Variants in NLRP3 observed in about 807,000 individuals in gnomAD.
NLRP3 encodes the protein NACHT, LRR and PYD domains-containing protein 3.
A neutral mutation model predicts 91.3 loss-of-function variants in NLRP3; 48 were observed. The ratio of observed to expected loss-of-function variants is 0.53; its 90% confidence interval spans 0.42 to 0.67. The LOEUF is 0.67. Ranked by LOEUF, NLRP3 falls within the 30% of genes least tolerant of loss-of-function variation. NLRP3 has a pLI of 0.00. For synonymous variants in NLRP3, 561 were observed against 507.9 expected, an observed-to-expected ratio of 1.10 and a Z score of -1.41; for missense variants, 982 against 1,276.9, an observed-to-expected ratio of 0.77 and a Z score of 3.52.
At chr1:247,448,267 T>C in intron 9 of NLRP3, 138 bp from the exon 10 acceptor site, 3 of 561,792 alleles carry the variant, frequency 5.3e-6, no homozygotes, top group South Asian at 3.5e-5. Context: ...TTGTGGTCCC[T>C]CTTTTTTTTT....
chr1:247,446,091 G>C (rs774111751), intron 9 of NLRP3, among the ~76,000 whole-genome samples: 1 of 151,960 alleles, frequency 6.6e-6, no homozygotes, highest in East Asian at 1.9e-4. Context: ...CAAGTTGCTC[G>C]GGCCAAAACA....
chr1:247,428,507 G>A (rs1663067809), intron 4 of NLRP3, among the ~76,000 whole-genome samples: 2 of 152,340 alleles, frequency 1.3e-5, no homozygotes, highest in South Asian at 2.1e-4. Context: ...GCTCTTGCCT[G>A]TAATCCTAGG....
intron 7 of NLRP3, among the ~76,000 whole-genome samples, chr1:247,436,396 G>T (rs1362950837): frequency 9.9e-5 from 15 of 152,208 alleles, no homozygotes; most frequent in Non-Finnish European, 2.2e-4. Flanking sequence ...CAGCCCAATT[G>T]CCTGTTGAGG....
rs200089426 is a variant in NLRP3 at position 247,425,348 on chromosome 1, C to G, written c.1899C>G (p.Tyr633Ter). 1.2e-5 allele frequency: 20 copies of G among 1,614,152 alleles called. No homozygotes were observed. ...PSQLELFYCL[Y>*]EMQEEDFVQR... ...AGCTGGAATTGTTCTACTGTTTGTA[C>G]GAGATGCAGGAGGAGGACTTCGTGC... The change falls in exon 4 of 10, where the codon TAC becomes TAG. Residue 633 changes from tyrosine to a stop codon, truncating the protein, a stop_gained. Coordinates refer to ENST00000336119, the MANE Select transcript of NLRP3 (RefSeq NM_001243133.2). LOFTEE classifies it high-confidence loss of function. The surrounding 1 kb of genome is among the most constrained non-coding windows in gnomAD (Gnocchi z 4.1).
intron 2 of NLRP3, among the ~76,000 whole-genome samples, chr1:247,421,488 C>A (rs551936125): frequency 6.6e-6 from 1 of 152,274 alleles, no homozygotes; most frequent in Admixed American, 6.5e-5. Flanking sequence ...TGTGTCAGTA[C>A]TTATATACTC....
chr1:247,421,182 G>T (rs900250768), intron 2 of NLRP3, among the ~76,000 whole-genome samples: 1 of 152,194 alleles, frequency 6.6e-6, no homozygotes, highest in East Asian at 1.9e-4. Flanking sequence ...AGAAGGGCAG[G>T]GTATTGCAGG....
rs200262895 is a variant in NLRP3 at position 247,423,337 on chromosome 1, A to G, written c.385A>G (p.Lys129Glu). The change falls in exon 3 of 10, where the codon AAA (lysine) becomes GAA (glutamate). Residue 129 changes from lysine to glutamate, a missense_variant. Lys to Glu is a moderately conservative substitution (Grantham distance 56, BLOSUM62 1). This residue lies in a region of NLRP3 where 548 missense variants were observed against 713.7 expected (regional missense o/e 0.77). Coordinates refer to ENST00000336119, the MANE Select transcript of NLRP3 (RefSeq NM_001243133.2). ...GTACCTTTCGAGAATCTCTATTTGT[A>G]AAATGAAGAAAGGTAAGCGACTGGG... ...LEYLSRISIC[K>E]MKKDYRKKYR... The G allele has an allele frequency of 3.7e-6, 6 of 1,613,984 alleles. No individual in the cohort carries two copies. The highest frequency in any genetic ancestry group is 5.1e-6 in the Non-Finnish European group (6 of 1,179,968).
chr1:247,435,378 A>G (rs1298893026), intron 6 of NLRP3, among the ~76,000 whole-genome samples: 1 of 152,044 alleles, frequency 6.6e-6, no homozygotes, highest in Non-Finnish European at 1.5e-5. Context: ...AGTGCTATAT[A>G]TGTACATTCA....
At chr1:247,419,896 T>A (rs1662333314) in intron 2 of NLRP3, among the ~76,000 whole-genome samples, 1 of 152,184 alleles carries the variant, frequency 6.6e-6, no homozygotes, top group South Asian at 2.1e-4. Context: ...CAAATATCTC[T>A]TCAAGACCCT....
intron 7 of NLRP3, among the ~76,000 whole-genome samples, chr1:247,438,346 TGGTCTGG>T (rs1278002212): frequency 1.3e-5 from 2 of 150,686 alleles, no homozygotes; most frequent in African/African-American, 4.9e-5. Context: ...TCTCTTCCTG[TGGTCTGG>T]GGATTTCACG....
At chr1:247,433,522 A>C (rs68078384) in intron 5 of NLRP3, among the ~76,000 whole-genome samples, 43,440 of 151,918 alleles carry the variant, frequency 0.29, 6,394 homozygotes, top group Middle Eastern at 0.36. Flanking sequence ...CTGACAGGTG[A>C]TCCCTCTGCT....
Position 247,423,791 on chromosome 1 carries a change from C to T in NLRP3, c.398-56C>T, listed in dbSNP as rs180177455. On this transcript the variant is annotated intron_variant, in intron 3 of 9. Transcript: ENST00000336119. ...TCCGATGACAGGCCCCAGCTGAGAG[C>T]GCATCTCAGGTGGATGTGTGTATAC... 1.6e-4 allele frequency: 229 copies of T among 1,462,366 alleles called. No homozygotes were observed. Among genetic ancestry groups the T allele is most frequent in the Non-Finnish European group, 1.9e-4 (197 of 1,051,466 alleles). 90.6% of individuals were successfully genotyped at this position (1,462,366 alleles called of 1,614,324 possible).
At chr1:247,428,381 G>A (rs1336750902) in intron 4 of NLRP3, among the ~76,000 whole-genome samples, 1 of 152,246 alleles carries the variant, frequency 6.6e-6, no homozygotes, top group Non-Finnish European at 1.5e-5. Context: ...CCAGAAGCCT[G>A]AGCATCTATT....
chr1:247,433,952 T>G (rs1358031342), intron 5 of NLRP3, 151 bp from the exon 6 acceptor site: 1 of 547,602 alleles, frequency 1.8e-6, no homozygotes, highest in Admixed American at 2.3e-5. Flanking sequence ...TTCTGATGCT[T>G]TCTGTATTCC....
chr1:247,425,042 C>T lies in NLRP3; in HGVS notation c.1593C>T (p.Tyr531=), dbSNP rs1447593373. The T allele has an allele frequency of 1.2e-6, 2 of 1,614,182 alleles. No individual in the cohort carries two copies. The highest frequency in any genetic ancestry group is 2.2e-5 in the East Asian group (1 of 44,888). ...TCCAGGAGTTCTTTGCCGCCATGTA[C>T]TACCTGCTGGAAGAGGAAAAGGAAG... ...MTFQEFFAAM[Y]YLLEEEKEGR... is the part of the protein sequence containing the mutation. The change falls in exon 4 of 10, where the codon TAC becomes TAT. Residue 531 remains tyrosine, a synonymous_variant. Transcript: ENST00000336119. The surrounding 1 kb of genome is among the most constrained non-coding windows in gnomAD (Gnocchi z 4.1).
In NLRP3 at chr1:247,443,318, T is replaced by A. The variant is rs571417132; in HGVS notation, c.2664-654T>A. Reference sequence around the variant, plus strand: ...AATCATGGCTCACTGCAGCCTCGACTTCCTGGACTCAAGCGATCCTCCCAC... The same window carrying A: ...AATCATGGCTCACTGCAGCCTCGACATCCTGGACTCAAGCGATCCTCCCAC... On this transcript the variant is annotated intron_variant, in intron 7 of 9. Transcript: ENST00000336119. 5.5e-4 allele frequency among the ~76,000 whole-genome samples: 84 copies of A among 152,138 alleles called. 1 individual carries two copies. Among genetic ancestry groups the A allele is most frequent in the Non-Finnish European group, 1.1e-3 (73 of 67,996 alleles).
intron 6 of NLRP3, among the ~76,000 whole-genome samples, chr1:247,435,716 T>C (rs1287225037): frequency 6.6e-6 from 1 of 152,232 alleles, no homozygotes; most frequent in East Asian, 1.9e-4. Context: ...TGGTAAATTT[T>C]ATTTTACACG....
chr1:247,432,339 G>A (rs1663396673), intron 5 of NLRP3, among the ~76,000 whole-genome samples: 1 of 148,432 alleles, frequency 6.7e-6, no homozygotes, highest in Admixed American at 6.8e-5. Flanking sequence ...TTGTAAGTGA[G>A]AACGTGTGGT....
At chr1:247,434,388 G>A in intron 6 of NLRP3, 115 bp downstream of exon 6, 5 of 1,041,708 alleles carry the variant, frequency 4.8e-6, no homozygotes, top group East Asian at 2.4e-5. Context: ...GGCGGCTCGG[G>A]TGACTGCGTG....
Sources: allele counts gnomAD v4.1 joint callset (sites outside exome capture counted in the v4.1 genomes callset), GRCh38; gene constraint gnomAD v4.1.1; regional missense constraint gnomAD v4.1.1; non-coding constraint Gnocchi (gnomAD v3.1); transcripts MANE v1.5; gene names NCBI Gene and HGNC (gene_info 2026-07-23, HGNC 2026-07-21).